Variants in GTF2IRD2 observed in about 807,000 individuals in gnomAD.
The protein encoded by GTF2IRD2 is general transcription factor II-I repeat domain-containing protein 2A.
In GTF2IRD2, 8 loss-of-function variants were observed where a neutral mutation model predicts 49.2. That is an observed-to-expected ratio of 0.16 (90% CI 0.10 to 0.29). The LOEUF is 0.29. GTF2IRD2 is among the 10% of genes least tolerant of loss of function. The pLI, the probability that GTF2IRD2 is intolerant of heterozygous loss-of-function variation, is 1.00. For synonymous variants in GTF2IRD2, 47 were observed against 289.7 expected, an observed-to-expected ratio of 0.16 and a Z score of 8.51; for missense variants, 130 against 725.7, an observed-to-expected ratio of 0.18 and a Z score of 9.43.
chr7:74,809,790 A>G (rs1325071053), intron 10 of GTF2IRD2, among the ~76,000 whole-genome samples: 1 of 135,182 alleles, frequency 7.4e-6, no homozygotes, highest in Non-Finnish European at 1.6e-5. Context: ...CTTTATTATT[A>G]TTATTATTAT....
chr7:74,836,329 G>A lies in GTF2IRD2; in HGVS notation c.50C>T (p.Ser17Leu), dbSNP rs1477459089. ...GAATGTCACCACCATCCTGGTCTCT[G>A]AGGAGGACTCTTCTTCAACAGGCAG... The part of the protein sequence containing the change: ...STLPVEEESS[S>L]ETRMVVTFLV... The change falls in exon 2 of 16, where the codon TCA (serine) becomes TTA (leucine). Residue 17 changes from serine (S) to leucine (L), a missense_variant. By Grantham distance (145) the Ser-to-Leu change is moderately radical (BLOSUM62 -2). Transcript: ENST00000451013. 4 of 1,609,188 alleles carry A rather than the reference G, an allele frequency of 2.5e-6. No individual in the cohort carries two copies. The highest frequency in any genetic ancestry group is 3.4e-6 in the Non-Finnish European group (4 of 1,179,594).
intron 4 of GTF2IRD2, among the ~76,000 whole-genome samples, chr7:74,824,405 T>G (rs1799191589): frequency 1.1e-4 from 2 of 17,582 alleles, no homozygotes; most frequent in Non-Finnish European, 1.8e-4. Context: ...GGAGGCAGAG[T>G]TTACAGTGAG....
rs1409415296 is a variant in GTF2IRD2, at chr7:74,841,983, G to A, written c.-5-5600C>T. ...TACTAAAAATACAAAAATTAGCCGG[G>A]CATGGTGGCGCACGCCTGTAGTCCC... On this transcript the variant is annotated intron_variant, in intron 1 of 15. Transcript: ENST00000451013. Among the ~76,000 whole-genome samples, 56 of 133,288 alleles carry A rather than the reference G, an allele frequency of 4.2e-4. 6 individuals are homozygous for A. Among genetic ancestry groups the A allele is most frequent in the Non-Finnish European group, 7.5e-4 (48 of 63,938 alleles). 87.4% of individuals were successfully genotyped at this position (133,288 alleles called of 152,430 possible).
chr7:74,846,151 C>G (rs1341317063), intron 1 of GTF2IRD2, among the ~76,000 whole-genome samples: 1 of 49,370 alleles, frequency 2.0e-5, no homozygotes, highest in Admixed American at 2.7e-4. Flanking sequence ...TGATCCGCCC[C>G]GCTCAGCCTC....
intron 3 of GTF2IRD2, among the ~76,000 whole-genome samples, chr7:74,829,897 A>AAAAAAAAAAAT: frequency 6.7e-6 from 1 of 148,418 alleles, no homozygotes; most frequent in African/African-American, 2.5e-5. Context: ...CAAAAAAAAA[A>AAAAAAAAAAAT]AAAAATTCAT....
intron 1 of GTF2IRD2, among the ~76,000 whole-genome samples, chr7:74,841,537 G>A (rs1800831430): frequency 7.4e-6 from 1 of 135,792 alleles, no homozygotes; most frequent in Admixed American, 7.1e-5. Context: ...GCTTGATCAT[G>A]GCTCCCTGCA....
At chr7:74,825,744 T>A (rs1233228457) in intron 3 of GTF2IRD2, among the ~76,000 whole-genome samples, 1 of 152,128 alleles carries the variant, frequency 6.6e-6, no homozygotes, top group Non-Finnish European at 1.5e-5. Context: ...ACAGAAAGGT[T>A]TTTGTTTTTT....
intron 3 of GTF2IRD2, among the ~76,000 whole-genome samples, chr7:74,827,831 T>C (rs1484005710): frequency 5.2e-5 from 1 of 19,346 alleles, no homozygotes; most frequent in Admixed American, 6.2e-4. Context: ...TTCCTTTCCC[T>C]TTTTTTTTTT....
At chr7:74,830,573 G>A (rs1799760970) in intron 3 of GTF2IRD2, among the ~76,000 whole-genome samples, 3 of 146,456 alleles carry the variant, frequency 2.0e-5, no homozygotes, top group African/African-American at 7.5e-5. Flanking sequence ...TTGCAGCAAT[G>A]TGGAGGCAGC....
In GTF2IRD2 at chr7:74,836,810, C is replaced by A. The variant is rs1166341061; in HGVS notation, c.-5-427G>T. ...CAAACTCCTGAGCTCAAGCAATCTG[C>A]CTTCCTTGGCCTCCCAGAGTGCTGG... On this transcript the variant is annotated intron_variant, in intron 1 of 15. Coordinates refer to ENST00000451013, the MANE Select transcript of GTF2IRD2 (RefSeq NM_173537.5). 6.6e-5 allele frequency among the ~76,000 whole-genome samples: 10 copies of A among 151,252 alleles called. 1 individual carries two copies. Among genetic ancestry groups the A allele is most frequent in the African/African-American group, 2.2e-4 (9 of 40,832 alleles).
intron 15 of GTF2IRD2, among the ~76,000 whole-genome samples, chr7:74,800,227 T>C (rs1166626586): frequency 7.0e-6 from 1 of 142,124 alleles, no homozygotes; most frequent in Non-Finnish European, 1.5e-5. Context: ...TTTTTTTTTT[T>C]TTTTGAGACA....
chr7:74,839,908 G>T (rs1225871569), intron 1 of GTF2IRD2, among the ~76,000 whole-genome samples: 1 of 136,618 alleles, frequency 7.3e-6, no homozygotes, highest in African/African-American at 2.9e-5. Context: ...GCTGAGGCAG[G>T]AGAATTGCTT....
intron 1 of GTF2IRD2, among the ~76,000 whole-genome samples, chr7:74,840,065 G>C (rs1800665682): frequency 1.1e-5 from 1 of 91,208 alleles, no homozygotes; most frequent in Admixed American, 1.4e-4. Context: ...AAGGTCCTAT[G>C]TCTTTTTTTT....
intron 3 of GTF2IRD2, among the ~76,000 whole-genome samples, chr7:74,826,124 G>A (rs587752036): frequency 9.5e-4 from 143 of 151,276 alleles, no homozygotes; most frequent in African/African-American, 2.9e-3. Context: ...TGTTGTTGGT[G>A]AAGTCTGGGG....
In GTF2IRD2 at chr7:74,797,759, G is replaced by A. The variant is rs782784746; in HGVS notation, c.1753C>T (p.Pro585Ser). The change falls in exon 16 of 16, where the codon CCC becomes TCC. Residue 585 changes from proline (P) to serine (S), a missense_variant. Physicochemically the swap from Pro to Ser is moderately conservative, Grantham distance 74. Coordinates refer to ENST00000451013, the MANE Select transcript of GTF2IRD2 (RefSeq NM_173537.5). ...TTGCCAGATTTTGTACCCGTCATGG[G>A]CACCGTGTCCAGAAGTTCTTCGGAC... is the stretch of plus-strand genomic sequence containing the variant. ...DVSEELLDTV[P>S]MTGTKSGNEI... The A allele has an allele frequency of 1.2e-6, 2 of 1,602,310 alleles. No homozygotes were observed. The highest frequency in any genetic ancestry group is 1.7e-6 in the Non-Finnish European group (2 of 1,176,344).
At chr7:74,830,535 G>A (rs1486879950) in intron 3 of GTF2IRD2, among the ~76,000 whole-genome samples, 4,885 of 146,600 alleles carry the variant, frequency 0.033, 132 homozygotes, top group Non-Finnish European at 0.046. Context: ...AAAACCTGCG[G>A]CCATAAAAAA....
chr7:74,842,027 G>A (rs1410716475), intron 1 of GTF2IRD2, among the ~76,000 whole-genome samples: 2 of 124,106 alleles, frequency 1.6e-5, no homozygotes, highest in South Asian at 2.9e-4. Flanking sequence ...GGGAGGCTGA[G>A]GCAGGAGAAT....
chr7:74,831,049 A>T (rs1405735868), intron 3 of GTF2IRD2, among the ~76,000 whole-genome samples: 2 of 148,810 alleles, frequency 1.3e-5, no homozygotes, highest in Admixed American at 1.4e-4. Context: ...GACATTAATG[A>T]ATTGAGAATA....
chr7:74,829,713 C>G (rs1363372190), intron 3 of GTF2IRD2, among the ~76,000 whole-genome samples: 3 of 124,006 alleles, frequency 2.4e-5, no homozygotes, highest in South Asian at 2.5e-4. Context: ...AACCCTATCT[C>G]AAAATACAAA....
Sources: gnomAD v4.1 joint callset for allele counts (sites outside exome capture counted in the v4.1 genomes callset) on GRCh38, gnomAD v4.1.1 for gene constraint, MANE v1.5 for transcripts, NCBI Gene and HGNC (gene_info 2026-07-23, HGNC 2026-07-21) for gene names.